IKZF2: variants seen among roughly 807,000 people sequenced by gnomAD.
IKZF2 encodes zinc finger protein Helios.
A neutral mutation model predicts 49.2 loss-of-function variants in IKZF2; 15 were observed. The ratio of observed to expected loss-of-function variants is 0.30; its 90% CI spans 0.20 to 0.47. The LOEUF (loss-of-function observed/expected upper bound fraction) is 0.47, where lower values mean the gene tolerates loss of function less well. Ranked by LOEUF, IKZF2 falls within the 20% of genes least tolerant of loss-of-function variation. The pLI is 1.00. For synonymous variants in IKZF2, 227 were observed against 221.4 expected (o/e 1.03, Z -0.23); for missense variants, 567 against 664.6 (o/e 0.85, Z 1.61).
At chr2:213,124,252 G>GCGCA (rs1270409984) in intron 4 of IKZF2, among the ~76,000 whole-genome samples, 3 of 136,236 alleles carry the variant, frequency 2.2e-5, no homozygotes, top group African/African-American at 5.4e-5. Flanking sequence ...GCGCGCGCGC[G>GCGCA]CACACACACA....
intron 4 of IKZF2, among the ~76,000 whole-genome samples, chr2:213,105,640 C>T (rs10497993): frequency 0.038 from 5,710 of 151,820 alleles, 216 homozygotes; most frequent in African/African-American, 0.1. Flanking sequence ...ACAAAAACAT[C>T]GAAACATACC....
chr2:213,111,012 T>C (rs7571663), intron 4 of IKZF2, among the ~76,000 whole-genome samples: 42,108 of 151,876 alleles, frequency 0.28, 6,989 homozygotes, highest in Non-Finnish European at 0.38. Flanking sequence ...CTGTTATGTA[T>C]TAGAGATTAA....
At chr2:213,050,393 A>C (rs566113831) in intron 5 of IKZF2, among the ~76,000 whole-genome samples, 1 of 152,290 alleles carries the variant, frequency 6.6e-6, no homozygotes, top group South Asian at 2.1e-4. Flanking sequence ...TTACCATGCT[A>C]TCTCTTTAAA....
In IKZF2 at chr2:213,147,729, A is replaced by C; in HGVS notation, c.118T>G (p.Ser40Ala). The part of the protein sequence containing the change: ...TSSTPNGQHA[S>A]PSHMTSTNSV... The stretch of plus-strand genomic sequence containing the variant: ...TTACTGCTTGTCATGTGACTTGGTG[A>C]GGCATGCTGTCCATTGGGTGTGCTT... Residue 40 changes from serine (S) to alanine (A), a missense_variant, in exon 4 of 9, where the codon TCA becomes GCA. Ser to Ala is a moderately conservative substitution (Grantham distance 99, BLOSUM62 1). Around this residue, in one of 5 missense-constraint regions of IKZF2, gnomAD observed 156 missense variants for 138.5 expected, o/e 1.13. Transcript: ENST00000434687. 1 of 1,613,740 alleles carries C rather than the reference A, an allele frequency of 6.2e-7. No individual in the cohort carries two copies. The highest frequency in any genetic ancestry group is 8.5e-7 in the Non-Finnish European group (1 of 1,179,632).
chr2:213,059,146 T>C (rs1232501453), intron 4 of IKZF2, among the ~76,000 whole-genome samples: 1 of 151,814 alleles, frequency 6.6e-6, no homozygotes, highest in Admixed American at 6.6e-5. Context: ...TTTTTCCATG[T>C]TGAAACGTTC....
At chr2:213,050,341 T>C (rs554235610) in intron 5 of IKZF2, among the ~76,000 whole-genome samples, 5 of 152,316 alleles carry the variant, frequency 3.3e-5, no homozygotes, top group African/African-American at 9.6e-5. Context: ...AGGTGAGAAA[T>C]GAACCTGGTC....
At position 213,144,543 on chromosome 2, in the gene IKZF2, G is replaced by C. The variant is rs529302680; in HGVS notation, c.139+3165C>G. 1.3e-5 allele frequency among the ~76,000 whole-genome samples: 2 copies of C among 151,774 alleles called. 1 individual carries two copies. Among genetic ancestry groups the C allele is most frequent in the African/African-American group, 4.8e-5 (2 of 41,374 alleles). ...CAAAGTAAGTTTCATCTGATGGGCC[G>C]AAATACAATATGGATTATTTTTATA... is the stretch of plus-strand genomic sequence containing the variant. On this transcript the variant is annotated intron_variant, in intron 4 of 8. Coordinates refer to ENST00000434687, the MANE Select transcript of IKZF2 (RefSeq NM_001387220.1).
chr2:213,063,139 C>T (rs1378233027), intron 4 of IKZF2, among the ~76,000 whole-genome samples: 1 of 151,946 alleles, frequency 6.6e-6, no homozygotes, highest in East Asian at 1.9e-4. Context: ...GGGACATGTC[C>T]AGACACTGGT....
At chr2:213,129,899 A>G (rs1481948921) in intron 4 of IKZF2, among the ~76,000 whole-genome samples, 1 of 152,182 alleles carries the variant, frequency 6.6e-6, no homozygotes, top group Non-Finnish European at 1.5e-5. Flanking sequence ...ATTTCCTTTG[A>G]GGAAAGAAAC....
intron 6 of IKZF2, among the ~76,000 whole-genome samples, chr2:213,038,086 A>C (rs1699214210): frequency 6.6e-6 from 1 of 150,860 alleles, no homozygotes; most frequent in South Asian, 2.1e-4. Flanking sequence ...TTTGAGACAG[A>C]GTCTCACTCT....
At chr2:213,121,436 C>T (rs2060054190) in intron 4 of IKZF2, among the ~76,000 whole-genome samples, 1 of 152,190 alleles carries the variant, frequency 6.6e-6, no homozygotes, top group Non-Finnish European at 1.5e-5. Context: ...TTGGGTGCTA[C>T]ACTGATACCA....
At position 213,022,073 on chromosome 2, in the gene IKZF2, A is replaced by G; in HGVS notation, c.632T>C (p.Leu211Pro). 6.2e-7 allele frequency: 1 copy of G among 1,613,864 alleles called. No homozygotes were observed. The highest frequency in any genetic ancestry group is 8.5e-7 in the Non-Finnish European group (1 of 1,179,824). ...GTGGCAGCGTTCCTTGTGCTCCTCC[A>G]GTGAACTGCGCTGCTTGTAGCTTCG... Reference protein sequence around the residue: ...CGRSYKQRSSLEEHKERCHNY... With the variant: ...CGRSYKQRSSPEEHKERCHNY... Residue 211 changes from leucine (L) to proline (P), a missense_variant, in exon 7 of 9, where the codon CTG becomes CCG. Physicochemically the swap from Leu to Pro is moderately conservative, Grantham distance 98 (BLOSUM62 -3). Coordinates refer to ENST00000434687, the MANE Select transcript of IKZF2 (RefSeq NM_001387220.1).
intron 4 of IKZF2, among the ~76,000 whole-genome samples, chr2:213,092,720 T>C (rs1194697483): frequency 6.6e-6 from 1 of 152,154 alleles, no homozygotes; most frequent in Non-Finnish European, 1.5e-5. Flanking sequence ...CAAAATTTTC[T>C]ATCATCAGCC....
chr2:213,088,852 ACT>A (rs1704975664), intron 4 of IKZF2, among the ~76,000 whole-genome samples: 1 of 152,210 alleles, frequency 6.6e-6, no homozygotes, highest in Non-Finnish European at 1.5e-5. Flanking sequence ...CAAGAATTAC[ACT>A]GAGTTTCACA....
intron 4 of IKZF2, among the ~76,000 whole-genome samples, chr2:213,119,577 C>T (rs2059984896): frequency 6.6e-6 from 1 of 152,188 alleles, no homozygotes; most frequent in Admixed American, 6.5e-5. Flanking sequence ...AGATGACACA[C>T]ATAAGGAAGT....
In IKZF2 at chr2:213,001,193, T is replaced by C. The variant is rs1694872785; in HGVS notation, c.*6167A>G. The C allele has an allele frequency of 6.6e-6, 1 of 151,962 alleles. No individual in the cohort carries two copies. Among genetic ancestry groups the C allele is most frequent in the Admixed American group, 6.6e-5 (1 of 15,158 alleles). The allele number at this position is 151,962 out of a possible 1,614,324, so 9.4% of individuals were successfully genotyped here. On this transcript the variant is annotated 3_prime_UTR_variant, in exon 9 of 9. Coordinates refer to ENST00000434687, the MANE Select transcript of IKZF2 (RefSeq NM_001387220.1). ...TCATTCTGGGATTGCAAATAACACA[T>C]GGTCTAAAAGGTCCAACTATTAACA...
chr2:213,034,857 T>C (rs1431392342), intron 6 of IKZF2, among the ~76,000 whole-genome samples: 1 of 152,192 alleles, frequency 6.6e-6, no homozygotes, highest in Non-Finnish European at 1.5e-5. Flanking sequence ...AAAAACGCAG[T>C]TATCTGTGAA....
chr2:213,058,612 T>C (rs1701391499), intron 4 of IKZF2, among the ~76,000 whole-genome samples: 1 of 151,920 alleles, frequency 6.6e-6, no homozygotes, highest in African/African-American at 2.4e-5. Context: ...TATTGAGTTT[T>C]ACCCTATTTA....
chr2:213,076,880 C>T lies in IKZF2; in HGVS notation c.140-19781G>A, dbSNP rs540077060. Among the ~76,000 whole-genome samples, 5 of 151,922 alleles carry T rather than the reference C, an allele frequency of 3.3e-5. No homozygotes were observed. The South Asian group carries it at 6.2e-4, about 19-fold the overall frequency. On this transcript the variant is annotated intron_variant, in intron 4 of 8. Coordinates refer to ENST00000434687, the MANE Select transcript of IKZF2 (RefSeq NM_001387220.1). ...TCGCGCCACTGCACTCCAGCCTGGG[C>T]GACAAAGCCAGACTCCGTCTCCAAA...
Sources: gnomAD v4.1 joint callset for allele counts (sites outside exome capture counted in the v4.1 genomes callset) on GRCh38, gnomAD v4.1.1 for gene constraint, gnomAD v4.1.1 regional missense constraint, MANE v1.5 for transcripts, NCBI Gene and HGNC (gene_info 2026-07-23, HGNC 2026-07-21) for gene names.